Variants in PLEC observed in about 807,000 individuals in gnomAD.
PLEC encodes the protein plectin.
PLEC carries 216 observed loss-of-function variants against 392.8 expected under a neutral mutation model. That is an observed-to-expected ratio of 0.55 (90% CI 0.49 to 0.62). The LOEUF (loss-of-function observed/expected upper bound fraction) is 0.62. Among genes scored for constraint, PLEC ranks in the 20% least tolerant of loss-of-function variants. PLEC has a pLI of 0.00. For synonymous variants in PLEC, 3,621 were observed against 2,980.6 expected (o/e 1.21, Z -7.00); for missense variants, 6,863 against 6,563.4 (o/e 1.05, Z -1.58).
upstream of PLEC, chr8:143,973,552 C>T (rs1833545625): frequency 1.2e-5 from 13 of 1,100,476 alleles, no homozygotes; most frequent in Non-Finnish European, 1.4e-5. This position sits in a 1 kb window ranked among gnomAD's most constrained non-coding sequence, Gnocchi z 5.6. Context: ...GCGCGCGCCG[C>T]TTAAAGAGGC....
chr8:143,919,816 C>T lies in PLEC; in HGVS notation c.10005G>A (p.Lys3335=), dbSNP rs1554679620. ...RAQFEQLKDG[K]TTVKDLSELG... ...GCTCCGAAAGGTCCTTGACCGTCGT[C>T]TTGCCGTCCTTGAGCTGCTCAAACT... is the stretch of plus-strand genomic sequence containing the variant. Residue 3335 remains lysine, a synonymous_variant, in exon 32 of 32, where the codon AAG becomes AAA. Coordinates refer to ENST00000345136, the MANE Select transcript of PLEC (RefSeq NM_201384.3). 3 of 1,613,128 alleles carry T rather than the reference C, an allele frequency of 1.9e-6. No homozygotes were observed. The highest frequency in any genetic ancestry group is 2.5e-6 in the Non-Finnish European group (3 of 1,180,034).
At chr8:143,942,504 C>G (rs782033804), upstream of PLEC, 3 of 1,580,058 alleles carry the variant, frequency 1.9e-6, no homozygotes, top group South Asian at 3.4e-5. Context: ...AGGCGCCCCC[C>G]GCCCCCGACA....
upstream of PLEC, among the ~76,000 whole-genome samples, chr8:143,951,321 G>A (rs1286542578): frequency 6.6e-6 from 1 of 152,118 alleles, no homozygotes; most frequent in Admixed American, 6.5e-5. Flanking sequence ...GAGGGATGAG[G>A]GATGCGAGGC....
intron 2 of PLEC, 116 bp downstream of exon 2, chr8:143,938,515 G>A (rs1829687280): frequency 1.3e-6 from 2 of 1,554,332 alleles, no homozygotes; most frequent in Non-Finnish European, 1.8e-6. Context: ...AGGTTTCAGA[G>A]ATGAAAGGTG....
upstream of PLEC, chr8:143,939,667 G>A: frequency 7.1e-7 from 1 of 1,401,016 alleles, no homozygotes; most frequent in Non-Finnish European, 9.3e-7. Context: ...GCCCCACCCT[G>A]CCCAGGCCGC....
In PLEC at chr8:143,921,700, A is replaced by C; in HGVS notation, c.8121T>G (p.Asn2707Lys). The stretch of plus-strand genomic sequence containing the variant: ...GGGCGGCGTAAACACTCAGCTTCTC[A>C]TTGGTGGCCTTCAGCAACAGCCCTG... ...SIAGLLLKATNEKLSVYAALQ... is the reference protein window; with the variant it reads ...SIAGLLLKATKEKLSVYAALQ... Residue 2707 changes from asparagine (N) to lysine (K), a missense_variant, in exon 32 of 32, where the codon AAT becomes AAG. Asn to Lys is a moderately conservative substitution (Grantham distance 94). Transcript: ENST00000345136. 1 of 1,613,030 alleles carries C rather than the reference A, an allele frequency of 6.2e-7. No individual in the cohort carries two copies. The highest frequency in any genetic ancestry group is 8.5e-7 in the Non-Finnish European group (1 of 1,179,886).
chr8:143,960,501 C>G lies in PLEC; in HGVS notation c.70+12902G>C, dbSNP rs537645431. 2.6e-3 allele frequency among the ~76,000 whole-genome samples: 391 copies of G among 151,880 alleles called. 1 individual carries two copies. The highest frequency in any genetic ancestry group is 9.0e-3 in the African/African-American group (371 of 41,426). On this transcript the variant is annotated intron_variant, in intron 1 of 31. Transcript: ENST00000356346. ...GTGTGGTGGCGGGTGCCTGTAATCC[C>G]AGCTACTCAGGAGGCTGAGGCAGGA...
rs1224255215 is a variant in PLEC at position 143,916,246 on chromosome 8, CGAGGAG to C, written c.13569_13574del (p.Ser4524_Ser4525del). The C allele has an allele frequency of 1.3e-6, 2 of 1,546,984 alleles. No homozygotes were observed. The highest frequency in any genetic ancestry group is 2.0e-5 in the Admixed American group (1 of 50,966). On this transcript the variant is annotated inframe_deletion, in exon 32 of 32. Transcript: ENST00000345136. The stretch of plus-strand genomic sequence containing the variant: ...CCGAGGCGTAGCGGCGGCCGTAGCC[CGAGGAG>C]GAGTAGGAGGATGAAGAGAAGGTCA...
upstream of PLEC, among the ~76,000 whole-genome samples, chr8:143,956,417 A>C (rs1832597922): frequency 6.6e-6 from 1 of 152,192 alleles, no homozygotes; most frequent in Non-Finnish European, 1.5e-5. Context: ...AAAACTAAAA[A>C]ACTATCCTGA....
At position 143,930,044 on chromosome 8, in the gene PLEC, C is replaced by G; in HGVS notation, c.2631G>C (p.Gln877His). 2 of 1,611,722 alleles carry G rather than the reference C, an allele frequency of 1.2e-6. No individual in the cohort carries two copies. The highest frequency in any genetic ancestry group is 1.7e-4 in the Middle Eastern group (1 of 6,046). Reference protein sequence around the residue: ...EAVTRLEAQHQALVTLWHQLH... With the variant: ...EAVTRLEAQHHALVTLWHQLH... The stretch of plus-strand genomic sequence containing the variant: ...ACTGGTGCCACAGCGTGACCAGGGC[C>G]TGGTGCTGGGCCTCCAGCCTGGCAG... The change falls in exon 22 of 32, where the codon CAG (glutamine) becomes CAC (histidine). Residue 877 changes from glutamine (Q) to histidine (H), a missense_variant. Transcript: ENST00000345136.
At chr8:143,938,602 T>A in intron 2 of PLEC, 29 bp downstream of exon 2, 1 of 1,604,570 alleles carries the variant, frequency 6.2e-7, no homozygotes, top group Non-Finnish European at 8.5e-7. Context: ...CCTCAGCCCC[T>A]GTGACACGCA....
rs1554681926 is a variant in PLEC, at chr8:143,920,477, G to A, written c.9344C>T (p.Ser3115Phe). 12 of 1,605,456 alleles carry A rather than the reference G, an allele frequency of 7.5e-6. No homozygotes were observed. The highest frequency in any genetic ancestry group is 9.4e-6 in the Non-Finnish European group (11 of 1,176,426). Residue 3115 changes from serine to phenylalanine, a missense_variant, in exon 32 of 32, where the codon TCC becomes TTC. Coordinates refer to ENST00000345136, the MANE Select transcript of PLEC (RefSeq NM_201384.3). Reference protein sequence around the residue: ...YRDPYTGQSVSLFQALKKGLI... With the variant: ...YRDPYTGQSVFLFQALKKGLI... Reference sequence around the variant, plus strand: ...GCCCTTCTTCAGGGCCTGGAACAGGGAGACGCTCTGCCCTGTGTAGGGGTC... The same window carrying A: ...GCCCTTCTTCAGGGCCTGGAACAGGAAGACGCTCTGCCCTGTGTAGGGGTC...
At chr8:143,934,613 C>G (rs782368855) in intron 10 of PLEC, 22 bp downstream of exon 10, 28 of 1,609,626 alleles carry the variant, frequency 1.7e-5, no homozygotes, top group Non-Finnish European at 2.4e-5. Context: ...ACACCACCCA[C>G]CCCTCCAGCG....
chr8:143,939,398 C>T lies in PLEC; in HGVS notation c.64G>A (p.Glu22Lys), dbSNP rs1829964669. The T allele has an allele frequency of 6.2e-7, 1 of 1,612,680 alleles. No individual in the cohort carries two copies. The highest frequency in any genetic ancestry group is 1.3e-5 in the African/African-American group (1 of 74,924). Reference protein sequence around the residue: ...EGLGRKRTSSEDNLYLAVLRA... With the variant: ...EGLGRKRTSSKDNLYLAVLRA... ...AGCACAGCCAGGTACAGGTTGTCCT[C>T]CGAGCTGGTTCTCTTTCGGCCCAGG... is the stretch of plus-strand genomic sequence containing the variant. Residue 22 changes from glutamate to lysine, a missense_variant, in exon 1 of 32, where the codon GAG becomes AAG. By Grantham distance (56) the Glu-to-Lys change is moderately conservative (BLOSUM62 1). Coordinates refer to ENST00000345136, the MANE Select transcript of PLEC (RefSeq NM_201384.3).
In PLEC at chr8:143,967,111, C is replaced by A. The variant is rs1554742495; in HGVS notation, c.70+6292G>T. Among the ~76,000 whole-genome samples, 3 of 152,032 alleles carry A rather than the reference C, an allele frequency of 2.0e-5. No homozygotes were observed. In the East Asian group the frequency reaches 5.8e-4, roughly 29 times the overall value. On this transcript the variant is annotated intron_variant, in intron 1 of 31. Transcript: ENST00000356346. The stretch of plus-strand genomic sequence containing the variant: ...AGGCGCGGTGGCTCACGCCTGTAAT[C>A]CCAGCACTTTGGGAGGCCGAGGTGG...
intron 24 of PLEC, 23 bp from the exon 25 acceptor site, chr8:143,929,304 C>CGCACTCATCACCGAGCGCA: frequency 6.3e-7 from 1 of 1,598,112 alleles, no homozygotes; most frequent in Non-Finnish European, 8.5e-7. Context: ...GGAGTGGGAA[C>CGCACTCATCACCGAGCGCA]GCACTCATCA....
intron 6 of PLEC, 114 bp from the exon 7 acceptor site, chr8:143,935,427 C>A (rs1828775606): frequency 1.3e-6 from 1 of 746,086 alleles, no homozygotes; most frequent in Non-Finnish European, 2.4e-6. Context: ...ACCCCCCCAA[C>A]ACTCACCCTG....
chr8:143,953,709 C>G, upstream of PLEC: 2 of 1,608,856 alleles, frequency 1.2e-6, no homozygotes, highest in Non-Finnish European at 8.5e-7. Flanking sequence ...GGCTCGGGCC[C>G]GGCCCCAGGA....
chr8:143,921,374 A>C lies in PLEC; in HGVS notation c.8447T>G (p.Ile2816Ser). 1 of 1,613,392 alleles carries C rather than the reference A, an allele frequency of 6.2e-7. No individual in the cohort carries two copies. The highest frequency in any genetic ancestry group is 2.2e-5 in the East Asian group (1 of 44,866). ...LEAQIATGGV[I>S]DPVHSHRVPV... is the part of the protein sequence containing the mutation. ...CACGCGGTGGCTGTGCACGGGGTCG[A>C]TAACGCCGCCCGTGGCGATCTGGGC... The change falls in exon 32 of 32, where the codon ATC becomes AGC. Residue 2816 changes from isoleucine to serine, a missense_variant. By Grantham distance (142) the Ile-to-Ser change is moderately radical. Transcript: ENST00000345136.
Sources: gnomAD v4.1 joint callset for allele counts (sites outside exome capture counted in the v4.1 genomes callset) on GRCh38, gnomAD v4.1.1 for gene constraint, Gnocchi (gnomAD v3.1) non-coding constraint, MANE v1.5 for transcripts, NCBI Gene and HGNC (gene_info 2026-07-23, HGNC 2026-07-21) for gene names.